Variants in NKAIN3 observed in about 807,000 individuals in gnomAD.
The protein encoded by NKAIN3 is sodium/potassium transporting ATPase interacting 3, also known as sodium/potassium-transporting ATPase subunit beta-1-interacting protein 3.
NKAIN3 carries 25 observed loss-of-function variants against 30.2 expected under a neutral mutation model. The observed-to-expected ratio is 0.83, with a 90% CI of 0.60 to 1.16. The LOEUF (loss-of-function observed/expected upper bound fraction) is 1.16, where lower values mean the gene tolerates loss of function less well. Ranked by LOEUF, NKAIN3 falls within the 50% of genes most tolerant of loss-of-function variation. The pLI is 0.00. For missense variants in NKAIN3, 225 were observed against 254.1 expected, an observed-to-expected ratio of 0.89 and a Z score of 0.78; for synonymous variants, 91 against 89.6, an observed-to-expected ratio of 1.02 and a Z score of -0.09.
At chr8:62,374,231 G>A (rs1186397793) in intron 1 of NKAIN3, among the ~76,000 whole-genome samples, 1 of 152,046 alleles carries the variant, frequency 6.6e-6, no homozygotes, top group Non-Finnish European at 1.5e-5. Context: ...AAATGAGAAG[G>A]TTTTTAGTGG....
intron 1 of NKAIN3, among the ~76,000 whole-genome samples, chr8:62,496,239 A>ACT (rs1807232953): frequency 6.6e-6 from 1 of 152,178 alleles, no homozygotes; most frequent in Non-Finnish European, 1.5e-5. Context: ...GCTATCTTAA[A>ACT]CTACATTATT....
At chr8:62,282,164 T>C (rs921649995) in intron 1 of NKAIN3, among the ~76,000 whole-genome samples, 5 of 152,134 alleles carry the variant, frequency 3.3e-5, no homozygotes, top group African/African-American at 1.2e-4. Context: ...GTCTTCAGAC[T>C]ACCCATATTA....
chr8:62,462,111 G>A (rs753550401), intron 1 of NKAIN3, among the ~76,000 whole-genome samples: 2 of 152,142 alleles, frequency 1.3e-5, no homozygotes, highest in South Asian at 2.1e-4. Flanking sequence ...GACAAAGAGC[G>A]TGGGCAGGTG....
At chr8:62,371,452 T>G (rs1020654247) in intron 1 of NKAIN3, among the ~76,000 whole-genome samples, 2 of 151,898 alleles carry the variant, frequency 1.3e-5, no homozygotes, top group African/African-American at 4.8e-5. Context: ...GACAATCCAT[T>G]GGTTACCTGT....
chr8:62,686,790 G>A (rs1813812390), intron 3 of NKAIN3, among the ~76,000 whole-genome samples: 1 of 152,030 alleles, frequency 6.6e-6, no homozygotes, highest in African/African-American at 2.4e-5. Context: ...TACTTCTTGT[G>A]CCTTATATCT....
At chr8:62,345,429 A>G (rs1815925830) in intron 1 of NKAIN3, among the ~76,000 whole-genome samples, 1 of 131,980 alleles carries the variant, frequency 7.6e-6, no homozygotes, top group Non-Finnish European at 1.5e-5. Flanking sequence ...ACATATATAC[A>G]CATATATGTA....
At chr8:62,963,799 G>A (rs928345224) in intron 6 of NKAIN3, among the ~76,000 whole-genome samples, 48 of 152,156 alleles carry the variant, frequency 3.2e-4, no homozygotes, top group Non-Finnish European at 4.9e-4. Flanking sequence ...CTCCTGGGGC[G>A]TGCAGGAGGG....
intron 4 of NKAIN3, among the ~76,000 whole-genome samples, chr8:62,882,934 T>A (rs763876354): frequency 6.6e-6 from 1 of 152,170 alleles, no homozygotes; most frequent in Non-Finnish European, 1.5e-5. Flanking sequence ...CCAATACCAC[T>A]CTCTCTATTA....
intron 3 of NKAIN3, among the ~76,000 whole-genome samples, chr8:62,712,739 CA>C (rs1309632707): frequency 6.6e-6 from 1 of 152,144 alleles, no homozygotes; most frequent in Non-Finnish European, 1.5e-5. Flanking sequence ...GAGTTCTGGC[CA>C]GGAGGTTTCT....
At chr8:62,471,264 AGAGTAGCACTT>A (rs1386506180) in intron 1 of NKAIN3, among the ~76,000 whole-genome samples, 2 of 152,130 alleles carry the variant, frequency 1.3e-5, no homozygotes, top group Non-Finnish European at 2.9e-5. Context: ...TTAAAGGATG[AGAGTAGCACTT>A]TAGCAATATC....
chr8:62,458,323 T>C (rs1004108122), intron 1 of NKAIN3, among the ~76,000 whole-genome samples: 2 of 152,208 alleles, frequency 1.3e-5, no homozygotes, highest in Non-Finnish European at 2.9e-5. Context: ...GGACCATGTG[T>C]AAATAATCAC....
chr8:62,515,444 G>A (rs1482425465), intron 1 of NKAIN3, among the ~76,000 whole-genome samples: 1 of 152,008 alleles, frequency 6.6e-6, no homozygotes, highest in Non-Finnish European at 1.5e-5. Flanking sequence ...CAACACTGTG[G>A]TGAGTATCAT....
rs1445140144 is a variant in NKAIN3 at position 62,971,540 on chromosome 8, G to A, written c.*6133G>A. Among the ~76,000 whole-genome samples, 2 of 151,892 alleles carry A rather than the reference G, an allele frequency of 1.3e-5. No homozygotes were observed. The highest frequency in any genetic ancestry group is 2.9e-5 in the Non-Finnish European group (2 of 68,004). On this transcript the variant is annotated 3_prime_UTR_variant, in exon 7 of 7. Transcript: ENST00000623646. ...CCCAGCTACTTGGGAGGTTGAAGTA[G>A]GAGGGTTGTTTGAACCTGGGAGACG...
chr8:62,552,895 G>A (rs1809261147), intron 1 of NKAIN3, among the ~76,000 whole-genome samples: 1 of 152,164 alleles, frequency 6.6e-6, no homozygotes, highest in Non-Finnish European at 1.5e-5. Context: ...CATGAAGTTG[G>A]CCATACAATT....
chr8:62,395,829 A>G (rs892711324), intron 1 of NKAIN3, among the ~76,000 whole-genome samples: 3 of 152,218 alleles, frequency 2.0e-5, no homozygotes, highest in Admixed American at 1.3e-4. Flanking sequence ...CAATTGATCA[A>G]TAGAGGTTCT....
In NKAIN3 at chr8:62,966,017, T is replaced by C; in HGVS notation, c.*610T>C. 1.0e-6 allele frequency: 1 copy of C among 984,994 alleles called. No homozygotes were observed. The highest frequency in any genetic ancestry group is 1.2e-6 in the Non-Finnish European group (1 of 829,558). The allele number at this position is 984,994 out of a possible 1,614,324, so 61.0% of individuals were successfully genotyped here. On this transcript the variant is annotated 3_prime_UTR_variant, in exon 7 of 7. Coordinates refer to ENST00000623646, the MANE Select transcript of NKAIN3 (RefSeq NM_001304533.3). ...ATGGCAATCTAAATTTTCAGATTCG[T>C]GCATATCTTGTTTTTCCTGATATAT...
chr8:62,699,838 A>G (rs1814276693), intron 3 of NKAIN3, among the ~76,000 whole-genome samples: 1 of 152,254 alleles, frequency 6.6e-6, no homozygotes, highest in Non-Finnish European at 1.5e-5. Context: ...ATTACTTAGA[A>G]TCTGCTGTTT....
intron 1 of NKAIN3, among the ~76,000 whole-genome samples, chr8:62,470,466 C>T (rs1427597143): frequency 6.6e-6 from 1 of 152,066 alleles, no homozygotes; most frequent in African/African-American, 2.4e-5. Flanking sequence ...ATGACAGGGG[C>T]TGAAAGAGTT....
At chr8:62,547,768 A>C (rs79660195) in intron 1 of NKAIN3, among the ~76,000 whole-genome samples, 1 of 152,206 alleles carries the variant, frequency 6.6e-6, no homozygotes, top group African/African-American at 2.4e-5. Context: ...GCCTGGGTTG[A>C]CTATTCCCCA....
Sources: gnomAD v4.1 joint callset for allele counts (sites outside exome capture counted in the v4.1 genomes callset) on GRCh38, gnomAD v4.1.1 for gene constraint, MANE v1.5 for transcripts, NCBI Gene and HGNC (gene_info 2026-07-23, HGNC 2026-07-21) for gene names.